RBFOX1: variants seen among roughly 807,000 people sequenced by gnomAD.
The protein encoded by RBFOX1 is RNA binding fox-1 homolog 1, also known as RNA binding protein fox-1 homolog 1.
RBFOX1 carries 8 observed loss-of-function variants against 57.7 expected under a neutral mutation model. The observed-to-expected ratio is 0.14, with a 90% CI of 0.08 to 0.25. RBFOX1 has a LOEUF of 0.25. RBFOX1 is among the 10% of genes least tolerant of loss of function. The pLI is 1.00. For synonymous variants in RBFOX1, 326 were observed against 222.4 expected, an observed-to-expected ratio of 1.47 and a Z score of -4.15; for missense variants, 611 against 548.5, an observed-to-expected ratio of 1.11 and a Z score of -1.14.
intron 4 of RBFOX1, among the ~76,000 whole-genome samples, chr16:7,287,355 T>G (rs1244219663): frequency 6.6e-6 from 1 of 152,142 alleles, no homozygotes; most frequent in Admixed American, 6.5e-5. Context: ...GTGACTATAA[T>G]TAGGATTCCA....
chr16:7,295,688 C>G (rs1301148677), intron 4 of RBFOX1, among the ~76,000 whole-genome samples: 3 of 151,964 alleles, frequency 2.0e-5, no homozygotes, highest in Admixed American at 2.0e-4. Flanking sequence ...GGGAGTACAC[C>G]TTTTGCAGTC....
At chr16:7,320,909 G>A (rs1326796437) in intron 4 of RBFOX1, among the ~76,000 whole-genome samples, 1 of 152,162 alleles carries the variant, frequency 6.6e-6, no homozygotes, top group Non-Finnish European at 1.5e-5. Context: ...CTTGCCCAGG[G>A]AAAAACAGCC....
intron 4 of RBFOX1, among the ~76,000 whole-genome samples, chr16:7,493,175 C>T (rs751526630): frequency 1.3e-5 from 2 of 152,194 alleles, no homozygotes; most frequent in Non-Finnish European, 2.9e-5. Context: ...CCACTGTGCG[C>T]AGCCTTAAGC....
intron 4 of RBFOX1, among the ~76,000 whole-genome samples, chr16:7,238,931 G>C (rs985846477): frequency 2.6e-5 from 4 of 152,134 alleles, no homozygotes; most frequent in African/African-American, 9.7e-5. Flanking sequence ...CTGAGAATGA[G>C]AGCCTCCAGT....
intron 1 of RBFOX1, among the ~76,000 whole-genome samples, chr16:6,163,735 G>T (rs577439423): frequency 6.6e-6 from 1 of 152,124 alleles, no homozygotes; most frequent in Non-Finnish European, 1.5e-5. Flanking sequence ...AAAAATGCCA[G>T]GTCAGTCTGA....
chr16:7,490,363 G>C (rs1418015506), intron 4 of RBFOX1, among the ~76,000 whole-genome samples: 1 of 152,174 alleles, frequency 6.6e-6, no homozygotes, highest in Non-Finnish European at 1.5e-5. Flanking sequence ...TCCCTGGCGA[G>C]ATTAGGTTTG....
At chr16:6,809,492 T>C (rs942716927) in intron 3 of RBFOX1, among the ~76,000 whole-genome samples, 3 of 152,164 alleles carry the variant, frequency 2.0e-5, no homozygotes, top group Admixed American at 6.6e-5. Context: ...CTCATCTACA[T>C]TGAAGAGCTG....
intron 2 of RBFOX1, among the ~76,000 whole-genome samples, chr16:6,365,332 GTGGATGGA>G (rs373805599): frequency 4.0e-5 from 6 of 149,332 alleles, no homozygotes; most frequent in East Asian, 2.0e-4. Flanking sequence ...GGATGGGTGG[GTGGATGGA>G]TGGATGGATG....
rs570522315 is a variant in RBFOX1, at chr16:5,290,404, C to G, written c.219+50299C>G. Among the ~76,000 whole-genome samples the G allele has an allele frequency of 3.2e-4, 48 of 152,028 alleles. 1 individual carries two copies. Among genetic ancestry groups the G allele is most frequent in the Non-Finnish European group, 2.9e-5 (2 of 68,004 alleles). On this transcript the variant is annotated intron_variant, in intron 1 of 2. Transcript: ENST00000585867. ...TAGTGGGAGGAGGAAATGGGAGGTA[C>G]CTGCTAATGGATACAGGGTTTCTTT...
At chr16:7,018,164 A>G (rs939012341) in intron 3 of RBFOX1, among the ~76,000 whole-genome samples, 2 of 152,164 alleles carry the variant, frequency 1.3e-5, no homozygotes, top group Non-Finnish European at 2.9e-5. Context: ...CCCTTGCTGA[A>G]TTTCCACGAG....
rs192732084 is a variant in RBFOX1, at chr16:6,147,899, A to G, written c.-127+127907A>G. 2.4e-3 allele frequency among the ~76,000 whole-genome samples: 361 copies of G among 152,324 alleles called. 2 individuals carry two copies. The highest frequency in any genetic ancestry group is 2.6e-3 in the Non-Finnish European group (174 of 68,028). Reference sequence around the variant, plus strand: ...ATCTCAAATCCCCCCACTTCTAGTCATCTCCATTGCTATGACCTTGCCTTC... The same window carrying G: ...ATCTCAAATCCCCCCACTTCTAGTCGTCTCCATTGCTATGACCTTGCCTTC... On this transcript the variant is annotated intron_variant, in intron 1 of 15. Transcript: ENST00000550418.
In RBFOX1 at chr16:6,340,339, C is replaced by G. The variant is rs553218446; in HGVS notation, c.-64+23282C>G. Among the ~76,000 whole-genome samples, 242 of 152,098 alleles carry G rather than the reference C, an allele frequency of 1.6e-3. 1 individual carries two copies. Among genetic ancestry groups the G allele is most frequent in the African/African-American group, 5.5e-3 (229 of 41,486 alleles). On this transcript the variant is annotated intron_variant, in intron 2 of 15. Transcript: ENST00000550418. ...GGTGTTACCGAAAATGGGTTTGGAT[C>G]CAGACTCTAAGACAGGGTTCTTGGA...
At chr16:6,818,034 G>A (rs1236017013) in intron 3 of RBFOX1, among the ~76,000 whole-genome samples, 1 of 152,130 alleles carries the variant, frequency 6.6e-6, no homozygotes, top group Non-Finnish European at 1.5e-5. Flanking sequence ...TTTTGTGTCT[G>A]CTCTCCTATA....
At chr16:6,583,309 A>T (rs2097563348) in intron 2 of RBFOX1, among the ~76,000 whole-genome samples, 1 of 152,148 alleles carries the variant, frequency 6.6e-6, no homozygotes, top group Non-Finnish European at 1.5e-5. Flanking sequence ...TTTCCCTGAG[A>T]CACTTGGTCT....
Position 6,883,830 on chromosome 16 carries a change from T to C in RBFOX1, c.-15-168227T>C, listed in dbSNP as rs151077108. On this transcript the variant is annotated intron_variant, in intron 3 of 15. Coordinates refer to ENST00000550418, the MANE Select transcript of RBFOX1 (RefSeq NM_018723.4). Reference sequence around the variant, plus strand: ...TCTTTTCTCTATTATTATCTCTTTTTTCCCCCTAGGAATTAATGTCCTTTG... The same window carrying C: ...TCTTTTCTCTATTATTATCTCTTTTCTCCCCCTAGGAATTAATGTCCTTTG... Among the ~76,000 whole-genome samples the C allele has an allele frequency of 1.5e-3, 224 of 152,240 alleles. 2 individuals are homozygous for C. In the East Asian group the frequency reaches 0.02, roughly 14 times the overall value.
intron 3 of RBFOX1, among the ~76,000 whole-genome samples, chr16:5,607,454 C>G (rs746622998): frequency 6.6e-6 from 1 of 152,152 alleles, no homozygotes. Context: ...GAGGGGAAAT[C>G]TATTTAGTGA....
downstream of RBFOX1, among the ~76,000 whole-genome samples, chr16:5,604,466 GGTTCCCT>G (rs2047490452): frequency 6.6e-6 from 1 of 152,112 alleles, no homozygotes; most frequent in Admixed American, 6.5e-5. Flanking sequence ...GGCCACCTAC[GGTTCCCT>G]GCCACATGGC....
chr16:6,489,501 C>G (rs1207184940), intron 2 of RBFOX1, among the ~76,000 whole-genome samples: 1 of 152,106 alleles, frequency 6.6e-6, no homozygotes, highest in Admixed American at 6.5e-5. Context: ...GATCACACAG[C>G]TTCTAAGTGG....
intron 2 of RBFOX1, among the ~76,000 whole-genome samples, chr16:5,543,077 C>A (rs1408437121): frequency 3.3e-5 from 5 of 152,094 alleles, no homozygotes; most frequent in Admixed American, 6.6e-5. Flanking sequence ...TGGCTCTAGT[C>A]CCAGCTGACA....
Sources: allele counts gnomAD v4.1 joint callset (sites outside exome capture counted in the v4.1 genomes callset), GRCh38; gene constraint gnomAD v4.1.1; transcripts MANE v1.5; gene names NCBI Gene and HGNC (gene_info 2026-07-23, HGNC 2026-07-21).